ARHGAP6: variants seen among roughly 807,000 people sequenced by gnomAD.
The protein encoded by ARHGAP6 is rho GTPase-activating protein 6.
ARHGAP6 carries 16 observed loss-of-function variants against 55.7 expected under a neutral mutation model. That is an observed-to-expected ratio of 0.29 (90% CI 0.19 to 0.44). ARHGAP6 has a LOEUF of 0.44. Among genes scored for constraint, ARHGAP6 ranks in the 20% least tolerant of loss-of-function variants. The pLI, the probability that ARHGAP6 is intolerant of heterozygous loss-of-function variation, is 1.00. For synonymous variants in ARHGAP6, 382 were observed against 360.9 expected, an observed-to-expected ratio of 1.06 and a Z score of -0.66; for missense variants, 698 against 808.9, an observed-to-expected ratio of 0.86 and a Z score of 1.66.
chrX:11,234,069 G>A (rs1482939495), intron 2 of ARHGAP6, among the ~76,000 whole-genome samples: 4 of 112,365 alleles, frequency 3.6e-5, no homozygotes, highest in Non-Finnish European at 5.6e-5. Context: ...TTTTCAGGGT[G>A]GAAGAAGGAA....
intron 1 of ARHGAP6, among the ~76,000 whole-genome samples, chrX:11,482,682 G>A (rs1023058274): frequency 2.7e-5 from 3 of 111,551 alleles, no homozygotes; most frequent in Non-Finnish European, 5.7e-5. Context: ...AGTCCCCAGT[G>A]TTATGCTTAG....
chrX:11,182,397 A>G (rs2046325767), intron 5 of ARHGAP6, among the ~76,000 whole-genome samples: 1 of 111,694 alleles, frequency 9.0e-6, no homozygotes, highest in Non-Finnish European at 1.9e-5. Flanking sequence ...AGAGAAAATG[A>G]GCTTTTGTCC....
At chrX:11,192,995 A>G (rs1209059871) in intron 3 of ARHGAP6, among the ~76,000 whole-genome samples, 1 of 112,705 alleles carries the variant, frequency 8.9e-6, no homozygotes, top group African/African-American at 3.2e-5. Flanking sequence ...AAGGACTTGG[A>G]ATTATTCTGT....
intron 1 of ARHGAP6, among the ~76,000 whole-genome samples, chrX:11,322,287 C>T (rs902155083): frequency 5.4e-5 from 6 of 111,196 alleles, no homozygotes; most frequent in African/African-American, 2.0e-4. Flanking sequence ...AATGTGACCA[C>T]AAAAGTCTCC....
chrX:11,483,683 G>T (rs1183792970), intron 1 of ARHGAP6, among the ~76,000 whole-genome samples: 1 of 109,256 alleles, frequency 9.2e-6, no homozygotes, highest in Non-Finnish European at 1.9e-5. Flanking sequence ...AGCCACTGCT[G>T]ATTACTCTTC....
At chrX:11,632,724 G>A (rs1007516635) in intron 1 of ARHGAP6, among the ~76,000 whole-genome samples, 1 of 112,407 alleles carries the variant, frequency 8.9e-6, no homozygotes, top group Non-Finnish European at 1.9e-5. Context: ...GAAATTTCCA[G>A]TTCTCACAAA....
At chrX:11,149,958 AT>A (rs1011978875) in intron 10 of ARHGAP6, among the ~76,000 whole-genome samples, 35 of 111,474 alleles carry the variant, frequency 3.1e-4, no homozygotes, top group African/African-American at 1.0e-3. Flanking sequence ...TTTTAGTTTA[AT>A]TTTTTTTCCA....
At chrX:11,571,762 C>A (rs1307468298) in intron 1 of ARHGAP6, among the ~76,000 whole-genome samples, 1 of 104,800 alleles carries the variant, frequency 9.5e-6, no homozygotes, top group African/African-American at 3.5e-5. Context: ...GTGCTGCATG[C>A]CTGTGGTCCC....
chrX:11,340,153 CA>C (rs2048685316), intron 1 of ARHGAP6, among the ~76,000 whole-genome samples: 1 of 111,856 alleles, frequency 8.9e-6, no homozygotes, highest in Non-Finnish European at 1.9e-5. Context: ...AAACATCAAT[CA>C]AACCATCCCC....
At chrX:11,590,791 GA>G (rs1163573400) in intron 1 of ARHGAP6, among the ~76,000 whole-genome samples, 6 of 19,766 alleles carry the variant, frequency 3.0e-4, no homozygotes, top group African/African-American at 9.4e-4. Context: ...GAAAAGAAAA[GA>G]AAAGAAAAGA....
Position 11,172,541 on chromosome X carries a change from T to C in ARHGAP6, c.1630-2857A>G, listed in dbSNP as rs756227859. On this transcript the variant is annotated intron_variant, in intron 8 of 12. Coordinates refer to ENST00000337414, the MANE Select transcript of ARHGAP6 (RefSeq NM_013427.3). ...AACATTAACAAATGGAAGATTTTGT[T>C]TTCTTTTAAAAGAATGTTTCATACG... Among the ~76,000 whole-genome samples, 3 of 111,907 alleles carry C rather than the reference T, an allele frequency of 2.7e-5. No homozygotes were observed. The South Asian group carries it at 1.1e-3, about 42-fold the overall frequency.
intron 1 of ARHGAP6, among the ~76,000 whole-genome samples, chrX:11,647,975 T>C (rs886136767): frequency 1.8e-5 from 2 of 112,249 alleles, no homozygotes; most frequent in African/African-American, 6.5e-5. Flanking sequence ...AATCAGGTCC[T>C]GAAGCAGGAA....
Position 11,138,585 on chromosome X carries a change from T to A in ARHGAP6, c.*278A>T, listed in dbSNP as rs140375680. ...TAGGCTATACCAAGCAAGAGTTGTA[T>A]CTTATATTATAGAGCCAAGAGGGAC... is the stretch of plus-strand genomic sequence containing the variant. On this transcript the variant is annotated 3_prime_UTR_variant, in exon 13 of 13. Transcript: ENST00000337414. 5.4e-3 allele frequency: 2,088 copies of A among 389,409 alleles called. 41 individuals are homozygous for A. Among genetic ancestry groups the A allele is most frequent in the African/African-American group, 0.048 (1,877 of 38,989 alleles). The allele number at this position is 389,409 out of a possible 1,213,427, so 32.1% of individuals were successfully genotyped here. A position where few individuals can be genotyped will look rare whatever the true frequency, so the allele number is the denominator to read the frequency against.
At chrX:11,371,137 C>T (rs1430634295) in intron 1 of ARHGAP6, among the ~76,000 whole-genome samples, 3 of 111,770 alleles carry the variant, frequency 2.7e-5, no homozygotes, top group Admixed American at 9.5e-5. Context: ...GGAGGGATGG[C>T]TATTTCCTAG....
intron 1 of ARHGAP6, among the ~76,000 whole-genome samples, chrX:11,641,420 G>T (rs1267740464): frequency 9.0e-6 from 1 of 111,576 alleles, no homozygotes; most frequent in South Asian, 3.7e-4. Context: ...AGTAGCCTGG[G>T]ACTTGGCATA....
chrX:11,205,107 C>A (rs1383929864), intron 2 of ARHGAP6, among the ~76,000 whole-genome samples: 5 of 111,339 alleles, frequency 4.5e-5, no homozygotes, highest in African/African-American at 1.6e-4. Context: ...TTATTGACAC[C>A]CAGTGTTTTG....
At chrX:11,599,701 G>A (rs1332149598) in intron 1 of ARHGAP6, among the ~76,000 whole-genome samples, 5 of 111,531 alleles carry the variant, frequency 4.5e-5, no homozygotes, top group African/African-American at 1.6e-4. Context: ...TGGGGCTCTG[G>A]TGGGTAGCAT....
At chrX:11,389,216 A>G (rs763565428) in intron 1 of ARHGAP6, among the ~76,000 whole-genome samples, 1 of 112,206 alleles carries the variant, frequency 8.9e-6, no homozygotes, top group Non-Finnish European at 1.9e-5. Context: ...GCTGAGGCAG[A>G]AAGATCCTGC....
intron 1 of ARHGAP6, among the ~76,000 whole-genome samples, chrX:11,461,550 T>G (rs1345234085): frequency 2.7e-5 from 3 of 111,975 alleles, no homozygotes; most frequent in African/African-American, 9.7e-5. Flanking sequence ...TCAGACACTT[T>G]GTTTACTGAA....
Sources: gnomAD v4.1 joint callset for allele counts (sites outside exome capture counted in the v4.1 genomes callset) on GRCh38, gnomAD v4.1.1 for gene constraint, MANE v1.5 for transcripts, NCBI Gene and HGNC (gene_info 2026-07-23, HGNC 2026-07-21) for gene names.